CHN1: variants seen among roughly 807,000 people sequenced by gnomAD.
CHN1 encodes the protein chimerin 1.
A neutral mutation model predicts 59.5 loss-of-function variants in CHN1; 37 were observed. The ratio of observed to expected loss-of-function variants is 0.62; its 90% confidence interval spans 0.48 to 0.82. The LOEUF (loss-of-function observed/expected upper bound fraction) is 0.82. Among genes scored for constraint, CHN1 ranks in the 40% least tolerant of loss-of-function variants. The pLI is 0.00. For synonymous variants in CHN1, 206 were observed against 200.4 expected (o/e 1.03, Z -0.24); for missense variants, 469 against 571.0 (o/e 0.82, Z 1.82).
chr2:174,918,001 T>C (rs1246978896), intron 4 of CHN1, among the ~76,000 whole-genome samples: 1 of 152,134 alleles, frequency 6.6e-6, no homozygotes, highest in African/African-American at 2.4e-5. Flanking sequence ...TAAAATGATA[T>C]GTATAATATC....
chr2:174,820,236 A>G (rs1216409896), intron 8 of CHN1, among the ~76,000 whole-genome samples: 1 of 152,170 alleles, frequency 6.6e-6, no homozygotes, highest in African/African-American at 2.4e-5. Context: ...TCCCTAAGGA[A>G]TCACCACACT....
intron 7 of CHN1, among the ~76,000 whole-genome samples, chr2:174,840,293 T>C (rs2646145): frequency 0.015 from 2,195 of 150,494 alleles, 52 homozygotes; most frequent in African/African-American, 0.05. Flanking sequence ...GCCTCCTAAG[T>C]AGCTGAAACC....
chr2:174,980,823 T>C (rs1050141843), intron 1 of CHN1, among the ~76,000 whole-genome samples: 2 of 152,200 alleles, frequency 1.3e-5, no homozygotes, highest in Non-Finnish European at 2.9e-5. Context: ...ATTGAAATTA[T>C]CACTCTTCCA....
intron 1 of CHN1, among the ~76,000 whole-genome samples, chr2:174,977,602 C>T (rs193084083): frequency 5.9e-5 from 9 of 152,306 alleles, no homozygotes; most frequent in Non-Finnish European, 1.2e-4. Context: ...ATGTATTTCA[C>T]AAATACAGAA....
chr2:174,930,358 A>C (rs1689302759), intron 3 of CHN1, among the ~76,000 whole-genome samples: 1 of 152,250 alleles, frequency 6.6e-6, no homozygotes, highest in South Asian at 2.1e-4. Context: ...AAGTGAGGCC[A>C]CTTGCACATG....
intron 5 of CHN1, among the ~76,000 whole-genome samples, chr2:174,886,929 T>C (rs1028301871): frequency 7.2e-5 from 11 of 152,252 alleles, no homozygotes; most frequent in African/African-American, 2.4e-4. Context: ...ATTATTATCA[T>C]GGTCAAGATG....
intron 5 of CHN1, among the ~76,000 whole-genome samples, chr2:174,895,681 A>G (rs1251629718): frequency 6.6e-6 from 1 of 152,198 alleles, no homozygotes. Flanking sequence ...GCAAGACAAC[A>G]GAAGTAATTA....
chr2:174,908,580 C>T (rs567150517), intron 5 of CHN1, among the ~76,000 whole-genome samples: 11 of 152,250 alleles, frequency 7.2e-5, no homozygotes, highest in African/African-American at 2.4e-4. Context: ...TTCTACATTC[C>T]GGCACCATTT....
intron 7 of CHN1, among the ~76,000 whole-genome samples, chr2:174,833,266 A>C (rs374012532): frequency 6.6e-6 from 1 of 152,194 alleles, no homozygotes; most frequent in African/African-American, 2.4e-5. Flanking sequence ...GTACATATAA[A>C]TTTTAAACTG....
rs191069496 is a variant in CHN1 at position 174,955,087 on chromosome 2, C to T, written c.20-2885G>A. 3.9e-4 allele frequency among the ~76,000 whole-genome samples: 58 copies of T among 149,768 alleles called. 2 individuals are homozygous for T. In the East Asian group the frequency reaches 0.011, roughly 28 times the overall value. Reference sequence around the variant, plus strand: ...GATAAAGAAAATGCGGTATATACATCTATATATCTATATATATAGATCTAT... The same window carrying T: ...GATAAAGAAAATGCGGTATATACATTTATATATCTATATATATAGATCTAT... On this transcript the variant is annotated intron_variant, in intron 1 of 12. Coordinates refer to ENST00000409900, the MANE Select transcript of CHN1 (RefSeq NM_001822.7).
intron 5 of CHN1, among the ~76,000 whole-genome samples, chr2:174,884,964 A>G (rs1687848472): frequency 6.6e-6 from 1 of 152,160 alleles, no homozygotes; most frequent in Non-Finnish European, 1.5e-5. Context: ...TTAGCTAGCT[A>G]TATGTAACAA....
intron 5 of CHN1, among the ~76,000 whole-genome samples, chr2:174,901,523 G>C (rs1380673042): frequency 6.6e-6 from 1 of 152,130 alleles, no homozygotes; most frequent in East Asian, 1.9e-4. Flanking sequence ...ATTTGCCTCA[G>C]TTTTTAGCTT....
At chr2:174,893,136 A>G (rs1465615122) in intron 5 of CHN1, among the ~76,000 whole-genome samples, 1 of 152,244 alleles carries the variant, frequency 6.6e-6, no homozygotes, top group Non-Finnish European at 1.5e-5. Flanking sequence ...TAGGCAAGAA[A>G]AAGAAATTAA....
rs151194044 is a variant in CHN1, at chr2:174,916,091, C to T, written c.147-920G>A. On this transcript the variant is annotated intron_variant, in intron 4 of 12. Transcript: ENST00000409900. ...CTAAAGATAGATCATCCAAAAGGAACTCAACTGTTACCAATGTCCTCCCAT... is the reference window on the plus strand; with the variant it reads ...CTAAAGATAGATCATCCAAAAGGAATTCAACTGTTACCAATGTCCTCCCAT... 3.3e-5 allele frequency among the ~76,000 whole-genome samples: 5 copies of T among 152,312 alleles called. No homozygotes were observed. The East Asian group carries it at 9.6e-4, about 29-fold the overall frequency.
intron 3 of CHN1, among the ~76,000 whole-genome samples, chr2:174,924,451 T>C (rs920069836): frequency 1.3e-5 from 2 of 152,244 alleles, no homozygotes; most frequent in Non-Finnish European, 1.5e-5. Flanking sequence ...CCTTGGTGTT[T>C]TCACTTCTTT....
At chr2:174,826,585 T>C (rs1281480050) in intron 7 of CHN1, among the ~76,000 whole-genome samples, 1 of 152,198 alleles carries the variant, frequency 6.6e-6, no homozygotes, top group Admixed American at 6.5e-5. Flanking sequence ...TGGTAAAGCA[T>C]CTGAAAGTTA....
Position 174,799,296 on chromosome 2 carries a change from A to G in CHN1, c.*820T>C, listed in dbSNP as rs1240184496. ...TTATTTTAGAAGCTTATCACTTTTAACAGTAAACAAAAGAGGTCAGAAGAA... is the reference window on the plus strand; with the variant it reads ...TTATTTTAGAAGCTTATCACTTTTAGCAGTAAACAAAAGAGGTCAGAAGAA... On this transcript the variant is annotated 3_prime_UTR_variant, in exon 13 of 13. Coordinates refer to ENST00000409900, the MANE Select transcript of CHN1 (RefSeq NM_001822.7). 2.9e-6 allele frequency: 1 copy of G among 347,478 alleles called. No homozygotes were observed. Among genetic ancestry groups the G allele is most frequent in the Non-Finnish European group, 5.5e-6 (1 of 181,090 alleles). 21.5% of individuals were successfully genotyped at this position (347,478 alleles called of 1,614,324 possible).
chr2:174,889,760 T>C (rs957014632), intron 5 of CHN1, among the ~76,000 whole-genome samples: 8 of 152,116 alleles, frequency 5.3e-5, no homozygotes, highest in African/African-American at 1.4e-4. Context: ...ATATGCATTA[T>C]GGGAATTCCA....
intron 7 of CHN1, among the ~76,000 whole-genome samples, chr2:174,831,016 T>C (rs1354780605): frequency 1.3e-5 from 2 of 152,170 alleles, no homozygotes; most frequent in African/African-American, 4.8e-5. Flanking sequence ...ATGATGTAAC[T>C]TTAACTGTGA....
Sources: allele counts gnomAD v4.1 joint callset (sites outside exome capture counted in the v4.1 genomes callset), GRCh38; gene constraint gnomAD v4.1.1; transcripts MANE v1.5; gene names NCBI Gene and HGNC (gene_info 2026-07-23, HGNC 2026-07-21).